Variants in PPP2R3A observed in about 807,000 individuals in gnomAD.
PPP2R3A encodes serine/threonine-protein phosphatase 2A regulatory subunit B'' subunit alpha.
PPP2R3A carries 80 observed loss-of-function variants against 106.9 expected under a neutral mutation model. That is an observed-to-expected ratio of 0.75 (90% CI 0.62 to 0.90). PPP2R3A has a LOEUF of 0.90. Among genes scored for constraint, PPP2R3A ranks in the 40% least tolerant of loss-of-function variants. The pLI is 0.00. For synonymous variants in PPP2R3A, 483 were observed against 468.3 expected (o/e 1.03, Z -0.41); for missense variants, 1,386 against 1,350.4 (o/e 1.03, Z -0.41).
At chr3:136,015,950 T>C (rs964803288) in intron 2 of PPP2R3A, among the ~76,000 whole-genome samples, 3 of 152,196 alleles carry the variant, frequency 2.0e-5, no homozygotes, top group Admixed American at 2.0e-4. Flanking sequence ...GATGCAGGCA[T>C]TTAATGCTAT....
At chr3:136,010,417 ATTTTTTTTTTTTTTT>A (rs56962010) in intron 2 of PPP2R3A, among the ~76,000 whole-genome samples, 26 of 51,006 alleles carry the variant, frequency 5.1e-4, no homozygotes, top group Admixed American at 1.4e-3. Context: ...CGCTCGGCTA[ATTTTTTTTTTTTTTT>A]TTTTTTTTTT....
At chr3:136,024,265 C>A (rs1035612039) in intron 2 of PPP2R3A, among the ~76,000 whole-genome samples, 1 of 152,032 alleles carries the variant, frequency 6.6e-6, no homozygotes, top group Non-Finnish European at 1.5e-5. Flanking sequence ...ACTAGGTTTT[C>A]TTCCATAATG....
At chr3:136,082,561 G>T in intron 8 of PPP2R3A, 140 bp downstream of exon 8, 1 of 830,614 alleles carries the variant, frequency 1.2e-6, no homozygotes, top group Non-Finnish European at 1.9e-6. Flanking sequence ...TTTAAGAGGG[G>T]ATGAGTGAAG....
At chr3:136,015,930 C>G (rs975769699) in intron 2 of PPP2R3A, among the ~76,000 whole-genome samples, 5 of 152,034 alleles carry the variant, frequency 3.3e-5, no homozygotes, top group African/African-American at 9.7e-5. Flanking sequence ...TGTGGTCTTT[C>G]AGACTTTTTG....
chr3:136,100,604 G>T (rs1328965526), intron 10 of PPP2R3A, among the ~76,000 whole-genome samples: 3 of 151,936 alleles, frequency 2.0e-5, no homozygotes, highest in Non-Finnish European at 4.4e-5. Flanking sequence ...ACTTGAACCC[G>T]GGAGGCAGAG....
chr3:136,056,675 A>ATT (rs1284072763), intron 5 of PPP2R3A, among the ~76,000 whole-genome samples: 2 of 150,002 alleles, frequency 1.3e-5, no homozygotes, highest in African/African-American at 4.9e-5. Context: ...CTTAGCATTG[A>ATT]TTTTTTTTTT....
At chr3:135,986,575 C>T (rs532506456) in intron 1 of PPP2R3A, among the ~76,000 whole-genome samples, 1 of 152,144 alleles carries the variant, frequency 6.6e-6, no homozygotes, top group East Asian at 1.9e-4. Context: ...TCTTCAGTCT[C>T]CTTCATGTTG....
At chr3:136,066,806 C>T (rs1936274128) in intron 5 of PPP2R3A, among the ~76,000 whole-genome samples, 1 of 152,092 alleles carries the variant, frequency 6.6e-6, no homozygotes, top group African/African-American at 2.4e-5. Flanking sequence ...CACCTTCCAC[C>T]AGGCCCCCAT....
intron 1 of PPP2R3A, among the ~76,000 whole-genome samples, 196 bp from the exon 2 acceptor site, chr3:136,000,863 A>G (rs1170846106): frequency 2.0e-5 from 3 of 152,200 alleles, no homozygotes; most frequent in African/African-American, 7.2e-5. Context: ...GTGACAAGGC[A>G]GAGTTGAGGT....
At chr3:136,066,565 G>A (rs569550730) in intron 5 of PPP2R3A, among the ~76,000 whole-genome samples, 1 of 152,256 alleles carries the variant, frequency 6.6e-6, no homozygotes, top group East Asian at 1.9e-4. Context: ...AGGCTTTACA[G>A]GAAGTACGGT....
At chr3:136,004,678 A>T (rs1438169548) in intron 2 of PPP2R3A, among the ~76,000 whole-genome samples, 1 of 152,234 alleles carries the variant, frequency 6.6e-6, no homozygotes, top group Non-Finnish European at 1.5e-5. Context: ...ATACATTTTT[A>T]CAAAAAGTAT....
intron 5 of PPP2R3A, among the ~76,000 whole-genome samples, chr3:136,059,813 G>A (rs1011022075): frequency 2.6e-5 from 4 of 152,202 alleles, no homozygotes; most frequent in Non-Finnish European, 4.4e-5. Context: ...AAAAGAAAGA[G>A]ATCATGCCTT....
intron 1 of PPP2R3A, among the ~76,000 whole-genome samples, chr3:135,972,287 T>C (rs752360581): frequency 5.9e-5 from 9 of 152,238 alleles, no homozygotes; most frequent in African/African-American, 1.7e-4. Flanking sequence ...TCACTCAGGT[T>C]GTAGCATGTA....
At chr3:136,140,462 A>AAAAAAAAT (rs1559943261) in intron 13 of PPP2R3A, among the ~76,000 whole-genome samples, 2 of 145,640 alleles carry the variant, frequency 1.4e-5, no homozygotes, top group African/African-American at 5.5e-5. Flanking sequence ...AAAAAAAAAA[A>AAAAAAAAT]AACCCGGGCT....
At chr3:136,118,135 T>A (rs1187966344) in intron 13 of PPP2R3A, among the ~76,000 whole-genome samples, 2 of 152,210 alleles carry the variant, frequency 1.3e-5, no homozygotes, top group East Asian at 3.8e-4. Context: ...ACCGCATGGT[T>A]ATCTCAATAG....
intron 3 of PPP2R3A, among the ~76,000 whole-genome samples, chr3:136,033,282 A>G (rs1224671616): frequency 6.6e-6 from 1 of 152,146 alleles, no homozygotes; most frequent in East Asian, 1.9e-4. Context: ...GTTAGCTAGT[A>G]TTTTGTTAAG....
intron 9 of PPP2R3A, among the ~76,000 whole-genome samples, chr3:136,088,566 T>C (rs1937017520): frequency 6.6e-6 from 1 of 152,216 alleles, no homozygotes; most frequent in Non-Finnish European, 1.5e-5. Context: ...TACAAGTACC[T>C]GTATCTTTGT....
chr3:136,141,088 G>T (rs982022120), intron 13 of PPP2R3A, among the ~76,000 whole-genome samples: 1 of 152,182 alleles, frequency 6.6e-6, no homozygotes, highest in Non-Finnish European at 1.5e-5. Context: ...AAGGAAATTA[G>T]TGAGTTACAA....
At chr3:136,052,095 A>T (rs558929859) in intron 5 of PPP2R3A, among the ~76,000 whole-genome samples, 2 of 152,322 alleles carry the variant, frequency 1.3e-5, no homozygotes, top group South Asian at 2.1e-4. Context: ...AAATATTCCT[A>T]TGTTTTGTGA....
Sources: gnomAD v4.1 joint callset for allele counts (sites outside exome capture counted in the v4.1 genomes callset) on GRCh38, gnomAD v4.1.1 for gene constraint, MANE v1.5 for transcripts, NCBI Gene and HGNC (gene_info 2026-07-23, HGNC 2026-07-21) for gene names.